TRAPPC6A: variants seen among roughly 807,000 people sequenced by gnomAD.
The protein encoded by TRAPPC6A is TRAPP complex subunit 6A.
Under a neutral mutation model 20.8 loss-of-function variants are expected in TRAPPC6A, and 25 were observed. The observed-to-expected ratio is 1.20, with a 90% CI of 0.88 to 1.68. The LOEUF (loss-of-function observed/expected upper bound fraction) is 1.68, where lower values mean the gene tolerates loss of function less well. Among genes scored for constraint, TRAPPC6A ranks in the 40% most tolerant of loss-of-function variants. TRAPPC6A has a pLI of 0.00. For synonymous variants in TRAPPC6A, 96 were observed against 93.3 expected, an observed-to-expected ratio of 1.03 and a Z score of -0.16; for missense variants, 215 against 211.6, an observed-to-expected ratio of 1.02 and a Z score of -0.10.
chr19:45,164,259 G>A lies in TRAPPC6A; in HGVS notation c.271-12C>T, dbSNP rs776301244. ...AGGACGTAGGTCCCCTGGGGGAGAG[G>A]AGAGGCTGGTGGGTGGGGTCGGGGC... is the stretch of plus-strand genomic sequence containing the variant. On this transcript the variant is annotated splice_polypyrimidine_tract_variant and intron_variant, in intron 3 of 5. Coordinates refer to ENST00000585934, the MANE Select transcript of TRAPPC6A (RefSeq NM_001270891.2). The A allele has an allele frequency of 1.9e-6, 3 of 1,584,548 alleles. No individual in the cohort carries two copies. Among genetic ancestry groups the A allele is most frequent in the Non-Finnish European group, 1.7e-6 (2 of 1,162,970 alleles).
intron 1 of TRAPPC6A, among the ~76,000 whole-genome samples, chr19:45,169,470 G>A (rs1770401603): frequency 6.6e-6 from 1 of 152,182 alleles, no homozygotes; most frequent in Non-Finnish European, 1.5e-5. Context: ...CCCAAAGGAG[G>A]GGAATATTAA....
In TRAPPC6A at chr19:45,165,133, C is replaced by T; in HGVS notation, c.146G>A (p.Gly49Asp). 1 of 1,611,976 alleles carries T rather than the reference C, an allele frequency of 6.2e-7. No homozygotes were observed. Among genetic ancestry groups the T allele is most frequent in the East Asian group, 2.2e-5 (1 of 44,692 alleles). The part of the protein sequence containing the change: ...GMGFRVGQAL[G>D]ERLPRETLAF... Reference sequence around the variant, plus strand: ...CAGGAGGGGCCGCGCTCACCTCTCGCCTAGAGCCTGGCCCACACGGAACCC... The same window carrying T: ...CAGGAGGGGCCGCGCTCACCTCTCGTCTAGAGCCTGGCCCACACGGAACCC... Residue 49 changes from glycine to aspartate, a missense_variant, in exon 2 of 6, where the codon GGC (glycine) becomes GAC (aspartate). Gly to Asp is a moderately conservative substitution (Grantham distance 94, BLOSUM62 -1). Coordinates refer to ENST00000585934, the MANE Select transcript of TRAPPC6A (RefSeq NM_001270891.2).
chr19:45,176,320 CG>C (rs1031305883), intron 1 of TRAPPC6A, among the ~76,000 whole-genome samples: 2 of 151,718 alleles, frequency 1.3e-5, no homozygotes, highest in East Asian at 3.9e-4. Flanking sequence ...CAAAATTAGC[CG>C]GGTGTGGTGG....
At chr19:45,164,830 C>A (rs548324082) in intron 3 of TRAPPC6A, 23 bp downstream of exon 3, 1 of 1,603,582 alleles carries the variant, frequency 6.2e-7, no homozygotes, top group Non-Finnish European at 8.5e-7. Flanking sequence ...GGAAGCTGGA[C>A]GGGCAGGCCG....
Position 45,173,735 on chromosome 19 carries a change from GGAA to G in TRAPPC6A, c.84+4397_84+4399del, listed in dbSNP as rs1197146031. The stretch of plus-strand genomic sequence containing the variant: ...GGGGCCAATAAAGAGAAAGGACTGA[GGAA>G]GCCGTTTCTCATGACAGGCCCCCTG... On this transcript the variant is annotated intron_variant, in intron 1 of 5. Transcript: ENST00000585934. This position sits in a 1 kb window ranked among gnomAD's most constrained non-coding sequence, Gnocchi z 4.8. 6.6e-6 allele frequency among the ~76,000 whole-genome samples: 1 copy of G among 152,212 alleles called. No individual in the cohort carries two copies. The highest frequency in any genetic ancestry group is 1.5e-5 in the Non-Finnish European group (1 of 68,036).
intron 1 of TRAPPC6A, among the ~76,000 whole-genome samples, chr19:45,170,271 G>A (rs995077586): frequency 2.0e-5 from 3 of 152,224 alleles, no homozygotes; most frequent in Non-Finnish European, 4.4e-5. Flanking sequence ...CTGCCCTGCT[G>A]GAGCTGGCGT....
chr19:45,163,131 C>T lies in TRAPPC6A; in HGVS notation c.*61G>A. Reference sequence around the variant, plus strand: ...ACCACCCCGAAATGCAGCGGCCCCACCGTCTCCTGAGGCCGGTGAGGCCAG... The same window carrying T: ...ACCACCCCGAAATGCAGCGGCCCCATCGTCTCCTGAGGCCGGTGAGGCCAG... On this transcript the variant is annotated 3_prime_UTR_variant, in exon 6 of 6. Transcript: ENST00000585934. This position sits in a 1 kb window ranked among gnomAD's most constrained non-coding sequence, Gnocchi z 5.3. 1 of 1,604,270 alleles carries T rather than the reference C, an allele frequency of 6.2e-7. No individual in the cohort carries two copies. The highest frequency in any genetic ancestry group is 2.2e-5 in the East Asian group (1 of 44,758).
chr19:45,164,426 TG>T (rs1269410597), intron 3 of TRAPPC6A, among the ~76,000 whole-genome samples, 179 bp from the exon 4 acceptor site: 2 of 152,038 alleles, frequency 1.3e-5, no homozygotes, highest in African/African-American at 4.8e-5. Context: ...CTTCCAAACT[TG>T]GAGTGGGTGC....
At chr19:45,177,531 C>T (rs902768896) in intron 1 of TRAPPC6A, among the ~76,000 whole-genome samples, 7 of 152,056 alleles carry the variant, frequency 4.6e-5, no homozygotes, top group African/African-American at 1.4e-4. Flanking sequence ...GGGGTTTCAC[C>T]ATGGCCAGGC....
At chr19:45,176,878 A>AAG (rs1390161233) in intron 1 of TRAPPC6A, among the ~76,000 whole-genome samples, 3 of 151,138 alleles carry the variant, frequency 2.0e-5, no homozygotes, top group African/African-American at 7.3e-5. Flanking sequence ...CTAAAAAAAA[A>AAG]AAAAAATTGG....
At chr19:45,176,729 G>A (rs1733184440) in intron 1 of TRAPPC6A, among the ~76,000 whole-genome samples, 1 of 152,052 alleles carries the variant, frequency 6.6e-6, no homozygotes, top group Non-Finnish European at 1.5e-5. Flanking sequence ...AAGGAAACCA[G>A]AGCCAATAAA....
rs1285674797 is a variant in TRAPPC6A at position 45,163,542 on chromosome 19, G to A, written c.449-319C>T. 6.6e-6 allele frequency among the ~76,000 whole-genome samples: 1 copy of A among 152,090 alleles called. No homozygotes were observed. Among genetic ancestry groups the A allele is most frequent in the Non-Finnish European group, 1.5e-5 (1 of 67,980 alleles). ...GGCAAAATAACTGAAGGTGGGGGAG[G>A]TGGTGGGGCAGGCTGTCCCCAGGCA... On this transcript the variant is annotated intron_variant, in intron 5 of 5. Coordinates refer to ENST00000585934, the MANE Select transcript of TRAPPC6A (RefSeq NM_001270891.2). This position sits in a 1 kb window ranked among gnomAD's most constrained non-coding sequence, Gnocchi z 5.3.
chr19:45,173,816 C>T lies in TRAPPC6A; in HGVS notation c.84+4319G>A, dbSNP rs1400856405. Among the ~76,000 whole-genome samples the T allele has an allele frequency of 6.6e-6, 1 of 152,168 alleles. No individual in the cohort carries two copies. The highest frequency in any genetic ancestry group is 1.5e-5 in the Non-Finnish European group (1 of 68,034). ...GTGAGGGGAAACGATGCAGTTCTCA[C>T]CCCTAGCTGCAGCGAGAGCCACCTG... is the stretch of plus-strand genomic sequence containing the variant. On this transcript the variant is annotated intron_variant, in intron 1 of 5. Transcript: ENST00000585934. This position sits in a 1 kb window ranked among gnomAD's most constrained non-coding sequence, Gnocchi z 4.8.
At position 45,164,986 on chromosome 19, in the gene TRAPPC6A, C is replaced by T; in HGVS notation, c.153-16G>A. On this transcript the variant is annotated splice_polypyrimidine_tract_variant and intron_variant, in intron 2 of 5. Transcript: ENST00000585934. ...CCGGGGCAGCCTGGTGGGGCAGTAC[C>T]AAGCTGAGGCCGTGGGGCCAGGCCA... The T allele has an allele frequency of 1.2e-6, 2 of 1,613,416 alleles. No individual in the cohort carries two copies. The highest frequency in any genetic ancestry group is 1.7e-6 in the Non-Finnish European group (2 of 1,179,378).
rs545990220 is a variant in TRAPPC6A at position 45,164,154 on chromosome 19, C to G, written c.354+10G>C. Reference sequence around the variant, plus strand: ...GGGAGGTGTGGACAAGGCCCCAGCTCCCCCCATACCTTGGGTGCTTCCTCC... The same window carrying G: ...GGGAGGTGTGGACAAGGCCCCAGCTGCCCCCATACCTTGGGTGCTTCCTCC... On this transcript the variant is annotated intron_variant, in intron 4 of 5. Coordinates refer to ENST00000585934, the MANE Select transcript of TRAPPC6A (RefSeq NM_001270891.2). 6.3e-6 allele frequency: 10 copies of G among 1,596,818 alleles called. No homozygotes were observed. The Admixed American group carries it at 1.6e-4, about 25-fold the overall frequency.
rs1969283570 is a variant in TRAPPC6A, at chr19:45,172,328, C to T, written c.84+5807G>A. Among the ~76,000 whole-genome samples, 1 of 151,624 alleles carries T rather than the reference C, an allele frequency of 6.6e-6. No homozygotes were observed. Among genetic ancestry groups the T allele is most frequent in the Admixed American group, 6.6e-5 (1 of 15,262 alleles). ...AGTTCTAATTTTGCCTTTAAGAGAA[C>T]ATTCTGCCCTGAACTGGGAGGGAGG... is the stretch of plus-strand genomic sequence containing the variant. On this transcript the variant is annotated intron_variant, in intron 1 of 5. Coordinates refer to ENST00000585934, the MANE Select transcript of TRAPPC6A (RefSeq NM_001270891.2). This position sits in a 1 kb window ranked among gnomAD's most constrained non-coding sequence, Gnocchi z 4.2.
chr19:45,175,894 G>C (rs1490274123), intron 1 of TRAPPC6A, among the ~76,000 whole-genome samples: 1 of 152,140 alleles, frequency 6.6e-6, no homozygotes, highest in Non-Finnish European at 1.5e-5. Flanking sequence ...CCTCATAGCA[G>C]TTACACAATG....
At chr19:45,176,228 G>A (rs930947524) in intron 1 of TRAPPC6A, among the ~76,000 whole-genome samples, 9 of 152,000 alleles carry the variant, frequency 5.9e-5, no homozygotes, top group African/African-American at 1.9e-4. Flanking sequence ...AGCCCGAGGC[G>A]GGCAGATCAC....
chr19:45,163,908 T>A lies in TRAPPC6A; in HGVS notation c.448+8A>T. 35 of 1,365,592 alleles carry A rather than the reference T, an allele frequency of 2.6e-5. No homozygotes were observed. Among genetic ancestry groups the A allele is most frequent in the Non-Finnish European group, 3.3e-5 (32 of 980,910 alleles). The allele number at this position is 1,365,592 out of a possible 1,614,324, so 84.6% of individuals were successfully genotyped here. On this transcript the variant is annotated splice_region_variant and intron_variant, in intron 5 of 5. Coordinates refer to ENST00000585934, the MANE Select transcript of TRAPPC6A (RefSeq NM_001270891.2). This position sits in a 1 kb window ranked among gnomAD's most constrained non-coding sequence, Gnocchi z 5.3. ...ATGAGAAGAATCCCCCCACCCCCCATGACTCACAGACGGGCAGGGCTGCCA... is the reference window on the plus strand; with the variant it reads ...ATGAGAAGAATCCCCCCACCCCCCAAGACTCACAGACGGGCAGGGCTGCCA...
Sources: allele counts gnomAD v4.1 joint callset (sites outside exome capture counted in the v4.1 genomes callset), GRCh38; gene constraint gnomAD v4.1.1; non-coding constraint Gnocchi (gnomAD v3.1); transcripts MANE v1.5; gene names NCBI Gene and HGNC (gene_info 2026-07-23, HGNC 2026-07-21).